Variants in ZNF716 observed in about 807,000 individuals in gnomAD.
ZNF716 encodes the protein zinc finger protein 716.
In ZNF716, 9 loss-of-function variants were observed where a neutral mutation model predicts 13.4. The observed-to-expected ratio is 0.67, with a 90% CI of 0.41 to 1.18. The LOEUF (loss-of-function observed/expected upper bound fraction) is 1.18. Ranked by LOEUF, ZNF716 falls within the 50% of genes most tolerant of loss-of-function variation. ZNF716 has a pLI of 0.01. For missense variants in ZNF716, 581 were observed against 576.6 expected, an observed-to-expected ratio of 1.01 and a Z score of -0.08; for synonymous variants, 186 against 195.2, an observed-to-expected ratio of 0.95 and a Z score of 0.39.
chr7:57,459,525 C>G (rs7800657), intron 1 of ZNF716, among the ~76,000 whole-genome samples: 58,395 of 152,004 alleles, frequency 0.38, 11,427 homozygotes, highest in East Asian at 0.51. Context: ...AATGTGTCTG[C>G]GAAAGCACAA....
intron 3 of ZNF716, among the ~76,000 whole-genome samples, chr7:57,468,479 T>C (rs1222206712): frequency 6.6e-6 from 1 of 152,182 alleles, no homozygotes; most frequent in African/African-American, 2.4e-5. Flanking sequence ...TTCTTTTGTC[T>C]CTCTATGGCT....
chr7:57,472,124 G>A lies in ZNF716; in HGVS notation c.*2175G>A, dbSNP rs1374934533. 4 of 152,140 alleles carry A rather than the reference G, an allele frequency of 2.6e-5. No individual in the cohort carries two copies. The highest frequency in any genetic ancestry group is 7.2e-5 in the African/African-American group (3 of 41,426). 9.4% of individuals were successfully genotyped at this position (152,140 alleles called of 1,614,324 possible). ...ATGAACTTTCCTATGGATGAGTAAG[G>A]ACATTAAGTTGTAAGATGCATAATG... On this transcript the variant is annotated 3_prime_UTR_variant, in exon 4 of 4. Coordinates refer to ENST00000420713, the MANE Select transcript of ZNF716 (RefSeq NM_001159279.1).
At chr7:57,453,834 C>T (rs532021624) in intron 1 of ZNF716, among the ~76,000 whole-genome samples, 31 of 151,766 alleles carry the variant, frequency 2.0e-4, no homozygotes, top group Non-Finnish European at 3.2e-4. Context: ...GTTCTACATC[C>T]GTTGTCTTAT....
At chr7:57,453,100 G>A (rs1002425272) in intron 1 of ZNF716, among the ~76,000 whole-genome samples, 8 of 152,050 alleles carry the variant, frequency 5.3e-5, no homozygotes, top group African/African-American at 1.9e-4. Context: ...TGCGGGTATT[G>A]AGAGAAAAAC....
intron 1 of ZNF716, among the ~76,000 whole-genome samples, chr7:57,458,114 A>T (rs1789636217): frequency 6.6e-6 from 1 of 152,230 alleles, no homozygotes; most frequent in Non-Finnish European, 1.5e-5. Context: ...CTGTAATAAA[A>T]ATATGTGTGC....
Position 57,469,976 on chromosome 7 carries a change from T to TA in ZNF716, c.*28dup. 1.3e-6 allele frequency: 2 copies of TA among 1,489,182 alleles called. No individual in the cohort carries two copies. The highest frequency in any genetic ancestry group is 1.8e-6 in the Non-Finnish European group (2 of 1,122,398). The allele number at this position is 1,489,182 out of a possible 1,614,324, so 92.2% of individuals were successfully genotyped here. A position where few individuals can be genotyped will look rare whatever the true frequency, so the allele number is the denominator to read the frequency against. On this transcript the variant is annotated 3_prime_UTR_variant, in exon 4 of 4. Coordinates refer to ENST00000420713, the MANE Select transcript of ZNF716 (RefSeq NM_001159279.1). The stretch of plus-strand genomic sequence containing the variant: ...GTGGTAAAGTCCAGCCCTCAGGCCT[T>TA]ATAATACATAAAATAATTTATACTG...
chr7:57,460,297 AGGCAGTAGAATCGCTTGAACCCAAGAGGT>A (rs1789684526), intron 1 of ZNF716, among the ~76,000 whole-genome samples: 1 of 147,728 alleles, frequency 6.8e-6, no homozygotes, highest in Admixed American at 6.9e-5. Context: ...CAGGGGGCTG[AGGCAGTAGAATCGCTTGAACCCAAGAGGT>A]GGAGGTTGCA....
rs116306894 is a variant in ZNF716 at position 57,462,504 on chromosome 7, G to A, written c.84G>A (p.Ala28=). 3.2e-3 allele frequency: 5,092 copies of A among 1,613,758 alleles called. 122 individuals carry two copies. In the African/African-American group the frequency reaches 0.054, roughly 17 times the overall value. ...FRDIAIEFSL[A]EWQCLDHAQQ... ...ACATAGCTATAGAATTTTCTCTGGC[G>A]GAATGGCAATGCCTGGATCATGCTC... Residue 28 remains alanine, a synonymous_variant, in exon 2 of 4, where the codon GCG becomes GCA. Transcript: ENST00000420713.
intron 1 of ZNF716, among the ~76,000 whole-genome samples, chr7:57,450,619 G>T (rs1276141527): frequency 1.3e-5 from 2 of 152,124 alleles, no homozygotes; most frequent in African/African-American, 2.4e-5. Flanking sequence ...GACTGTGCAG[G>T]GATGGGAAAG....
chr7:57,463,027 A>C (rs1554323401), intron 2 of ZNF716, 46 bp from the exon 3 acceptor site: 2 of 1,597,152 alleles, frequency 1.3e-6, no homozygotes, highest in East Asian at 4.5e-5. Flanking sequence ...TGGTAATTAA[A>C]GAATTCAGCC....
In ZNF716 at chr7:57,471,464, A is replaced by G. The variant is rs1294963407; in HGVS notation, c.*1515A>G. 6.6e-6 allele frequency: 1 copy of G among 152,114 alleles called. No homozygotes were observed. Among genetic ancestry groups the G allele is most frequent in the African/African-American group, 2.4e-5 (1 of 41,434 alleles). 9.4% of individuals were successfully genotyped at this position (152,114 alleles called of 1,614,324 possible). A position where few individuals can be genotyped will look rare whatever the true frequency, so the allele number is the denominator to read the frequency against. ...TGATTACTGTAAAAAGACCTTTCAG[A>G]AAACATAGGCCTTTAAAGCAAAGAC... On this transcript the variant is annotated 3_prime_UTR_variant, in exon 4 of 4. Coordinates refer to ENST00000420713, the MANE Select transcript of ZNF716 (RefSeq NM_001159279.1).
rs782142718 is a variant in ZNF716, at chr7:57,463,120, A to G, written c.214A>G (p.Lys72Glu). ...PDLITCLEQN[K>E]EPQNIKRNEM... ...CTTGATCACCTGTCTGGAGCAAAAT[A>G]AAGAGCCCCAGAATATAAAGAGAAA... Residue 72 changes from lysine to glutamate, a missense_variant, in exon 3 of 4, where the codon AAA (lysine) becomes GAA (glutamate). Transcript: ENST00000420713. The G allele has an allele frequency of 3.7e-6, 6 of 1,610,348 alleles. No individual in the cohort carries two copies. Among genetic ancestry groups the G allele is most frequent in the Non-Finnish European group, 5.1e-6 (6 of 1,179,962 alleles).
At position 57,457,958 on chromosome 7, in the gene ZNF716, C is replaced by G. The variant is rs533914628; in HGVS notation, c.40-4502C>G. On this transcript the variant is annotated intron_variant, in intron 1 of 3. Coordinates refer to ENST00000420713, the MANE Select transcript of ZNF716 (RefSeq NM_001159279.1). ...TTTCTAAAAATAACAGTCTTCAGCTCCATCCATGTTGCTGCAAATGACATG... is the reference window on the plus strand; with the variant it reads ...TTTCTAAAAATAACAGTCTTCAGCTGCATCCATGTTGCTGCAAATGACATG... Among the ~76,000 whole-genome samples, 5 of 152,326 alleles carry G rather than the reference C, an allele frequency of 3.3e-5. No individual in the cohort carries two copies. In the South Asian group the frequency reaches 8.3e-4, roughly 25 times the overall value.
intron 3 of ZNF716, among the ~76,000 whole-genome samples, chr7:57,463,762 C>G (rs1554323574): frequency 2.0e-5 from 3 of 151,924 alleles, no homozygotes; most frequent in Non-Finnish European, 4.4e-5. Flanking sequence ...CTTCATGTTA[C>G]TGTGTTGCAT....
At position 57,472,836 on chromosome 7, in the gene ZNF716, C is replaced by A. The variant is rs1259129523; in HGVS notation, c.*2887C>A. ...CATAGGACAAATTTGTACTTTTTTA[C>A]CTTATTTAATTTTTTTTTAATTTTT... On this transcript the variant is annotated 3_prime_UTR_variant, in exon 4 of 4. Coordinates refer to ENST00000420713, the MANE Select transcript of ZNF716 (RefSeq NM_001159279.1). The A allele has an allele frequency of 6.6e-6, 1 of 151,870 alleles. No individual in the cohort carries two copies. The highest frequency in any genetic ancestry group is 1.5e-5 in the Non-Finnish European group (1 of 68,008). 9.4% of individuals were successfully genotyped at this position (151,870 alleles called of 1,614,324 possible). A position where few individuals can be genotyped will look rare whatever the true frequency, so the allele number is the denominator to read the frequency against.
At chr7:57,456,695 A>T (rs1386358771) in intron 1 of ZNF716, among the ~76,000 whole-genome samples, 2 of 151,912 alleles carry the variant, frequency 1.3e-5, no homozygotes, top group African/African-American at 2.4e-5. Flanking sequence ...AGATCGTGCC[A>T]CTGCACCCCA....
Position 57,450,197 on chromosome 7 carries a change from A to C in ZNF716, c.-92A>C. The C allele has an allele frequency of 4.4e-6, 7 of 1,587,444 alleles. No homozygotes were observed. Among genetic ancestry groups the C allele is most frequent in the Non-Finnish European group, 6.0e-6 (7 of 1,162,034 alleles). ...GGGTTCTTTTTGCTTCTCTGCGCCC[A>C]GAGCTCCAGTCCTTCTCTTCACTGC... On this transcript the variant is annotated 5_prime_UTR_variant, in exon 1 of 4. Coordinates refer to ENST00000420713, the MANE Select transcript of ZNF716 (RefSeq NM_001159279.1).
intron 1 of ZNF716, chr7:57,462,250 A>C: frequency 3.3e-6 from 2 of 600,144 alleles, no homozygotes. Context: ...GGTATTGTGG[A>C]TCTTATGCTA....
intron 1 of ZNF716, among the ~76,000 whole-genome samples, chr7:57,450,575 G>A (rs1789468614): frequency 6.6e-6 from 1 of 151,842 alleles, no homozygotes; most frequent in South Asian, 2.1e-4. Context: ...CCCTCTCTGG[G>A]CAGCTCTACA....
Sources: gnomAD v4.1 joint callset for allele counts (sites outside exome capture counted in the v4.1 genomes callset) on GRCh38, gnomAD v4.1.1 for gene constraint, MANE v1.5 for transcripts, NCBI Gene and HGNC (gene_info 2026-07-23, HGNC 2026-07-21) for gene names.